Variants in EXOC4 observed in about 807,000 individuals in gnomAD.
EXOC4 encodes the protein exocyst complex component 4.
Under a neutral mutation model 107.2 loss-of-function variants are expected in EXOC4, and 71 were observed. That is an observed-to-expected ratio of 0.66 (90% CI 0.55 to 0.81). The LOEUF (loss-of-function observed/expected upper bound fraction) is 0.81, where lower values mean the gene tolerates loss of function less well. Among genes scored for constraint, EXOC4 ranks in the 30% least tolerant of loss-of-function variants. The pLI, the probability that EXOC4 is intolerant of heterozygous loss-of-function variation, is 0.00. For missense variants in EXOC4, 1,108 were observed against 1,189.6 expected, an observed-to-expected ratio of 0.93 and a Z score of 1.01; for synonymous variants, 456 against 441.2, an observed-to-expected ratio of 1.03 and a Z score of -0.42.
In EXOC4 at chr7:133,441,045, A is replaced by G. The variant is rs570716662; in HGVS notation, c.1183-34283A>G. Among the ~76,000 whole-genome samples the G allele has an allele frequency of 4.6e-5, 7 of 152,238 alleles. No individual in the cohort carries two copies. The South Asian group carries it at 1.2e-3, about 27-fold the overall frequency. ...CTGGTAACAGAAATATTTTAGTACT[A>G]TTGGGAGATTTTGGCTGAGGTCTTC... On this transcript the variant is annotated intron_variant, in intron 7 of 17. Transcript: ENST00000253861.
At chr7:133,416,191 A>G (rs1475450372) in intron 7 of EXOC4, among the ~76,000 whole-genome samples, 1 of 152,190 alleles carries the variant, frequency 6.6e-6, no homozygotes, top group Non-Finnish European at 1.5e-5. Flanking sequence ...AAAACACATT[A>G]AAAAGGTTGT....
At chr7:134,005,613 C>A (rs544089230) in intron 16 of EXOC4, among the ~76,000 whole-genome samples, 3 of 152,184 alleles carry the variant, frequency 2.0e-5, no homozygotes, top group African/African-American at 7.2e-5. Flanking sequence ...ACAGGAAGTG[C>A]CATCTAAAGA....
Position 133,356,352 on chromosome 7 carries a change from C to T in EXOC4, c.786C>T (p.Asp262=). 1 of 1,613,944 alleles carries T rather than the reference C, an allele frequency of 6.2e-7. No homozygotes were observed. The highest frequency in any genetic ancestry group is 8.5e-7 in the Non-Finnish European group (1 of 1,179,888). ...SSSVREINLQ[D]IKEDLELDPE... is the part of the protein sequence containing the mutation. The stretch of plus-strand genomic sequence containing the variant: ...CAGTGAGGGAGATAAATCTGCAGGA[C>T]ATCAAGGAAGATTTAGAATTGGATC... The change falls in exon 6 of 18, where the codon GAC becomes GAT. Residue 262 remains aspartate (D), a synonymous_variant. Coordinates refer to ENST00000253861, the MANE Select transcript of EXOC4 (RefSeq NM_021807.4).
At position 133,917,606 on chromosome 7, in the gene EXOC4, A is replaced by T. The variant is rs1449571671; in HGVS notation, c.1895A>T (p.Lys632Ile). ...AYRGIVQSEEKLVISASWAKD... is the reference protein window; with the variant it reads ...AYRGIVQSEEILVISASWAKD... ...AGGGGTATTGTCCAGTCAGAAGAAA[A>T]ACTTGTCATCAGTGCATCCTGGGCA... Residue 632 changes from lysine (K) to isoleucine (I), a missense_variant, in exon 13 of 18, where the codon AAA (lysine) becomes ATA (isoleucine). Physicochemically the swap from Lys to Ile is moderately radical, Grantham distance 102 (BLOSUM62 -3). Coordinates refer to ENST00000253861, the MANE Select transcript of EXOC4 (RefSeq NM_021807.4). The T allele has an allele frequency of 6.2e-6, 10 of 1,614,040 alleles. No individual in the cohort carries two copies. In the South Asian group the frequency reaches 1.1e-4, roughly 18 times the overall value.
Position 133,864,514 on chromosome 7 carries a change from A to G in EXOC4, c.1735-31085A>G, listed in dbSNP as rs189573899. ...TTTCACTAGCCCTCAAACTTTTCCT[A>G]TATCTGTTAGTATTTAATAACTTAC... On this transcript the variant is annotated intron_variant, in intron 11 of 17. Coordinates refer to ENST00000253861, the MANE Select transcript of EXOC4 (RefSeq NM_021807.4). 1.6e-4 allele frequency among the ~76,000 whole-genome samples: 25 copies of G among 152,134 alleles called. No individual in the cohort carries two copies. In the East Asian group the frequency reaches 2.1e-3, roughly 13 times the overall value.
At chr7:133,671,747 G>A (rs1457450890) in intron 10 of EXOC4, among the ~76,000 whole-genome samples, 1 of 152,090 alleles carries the variant, frequency 6.6e-6, no homozygotes, top group Non-Finnish European at 1.5e-5. Flanking sequence ...TTGCCAGTGG[G>A]TTTAATGTGC....
intron 9 of EXOC4, among the ~76,000 whole-genome samples, chr7:133,539,680 C>CT (rs911864345): frequency 5.9e-5 from 9 of 151,494 alleles, no homozygotes; most frequent in South Asian, 2.1e-4. Context: ...GTTTTTTTTC[C>CT]TTTTTTTGTG....
intron 5 of EXOC4, among the ~76,000 whole-genome samples, chr7:133,319,158 TAAAA>T (rs1345024410): frequency 6.6e-6 from 1 of 152,234 alleles, no homozygotes; most frequent in African/African-American, 2.4e-5. Context: ...CCAAGTGAAA[TAAAA>T]AATTTAATTA....
intron 10 of EXOC4, among the ~76,000 whole-genome samples, chr7:133,649,485 TAACCAG>T (rs1562891250): frequency 7.5e-6 from 1 of 132,874 alleles, no homozygotes. Flanking sequence ...TTTTTTTTTT[TAACCAG>T]TAAAGATTAT....
intron 17 of EXOC4, among the ~76,000 whole-genome samples, chr7:134,049,029 C>G (rs1795722506): frequency 6.6e-6 from 1 of 152,170 alleles, no homozygotes; most frequent in Non-Finnish European, 1.5e-5. Context: ...GTCATTGGTT[C>G]CAGATTCCAG....
chr7:133,673,902 A>C (rs1031390356), intron 10 of EXOC4, among the ~76,000 whole-genome samples: 1 of 152,200 alleles, frequency 6.6e-6, no homozygotes. Context: ...ATGCATCCTC[A>C]TTCCTATTGT....
At chr7:133,871,189 A>G (rs536726161) in intron 11 of EXOC4, among the ~76,000 whole-genome samples, 3 of 151,870 alleles carry the variant, frequency 2.0e-5, no homozygotes, top group Non-Finnish European at 4.4e-5. Flanking sequence ...CAGAGTTATT[A>G]TACCTTATTA....
At chr7:133,685,878 T>G (rs1794287630) in intron 10 of EXOC4, among the ~76,000 whole-genome samples, 1 of 152,138 alleles carries the variant, frequency 6.6e-6, no homozygotes, top group Non-Finnish European at 1.5e-5. Flanking sequence ...CTCACCTGCC[T>G]CTCACCTTTC....
chr7:133,997,589 G>T lies in EXOC4; in HGVS notation c.2304G>T (p.Gln768His). ...QTLSELAKSF[Q>H]DMADRCLLVL... ...TCAGTGAACTTGCCAAATCGTTCCA[G>T]GATATGGCTGACCGCTGCTTGCTTG... The change falls in exon 15 of 18, where the codon CAG (glutamine) becomes CAT (histidine). Residue 768 changes from glutamine to histidine, a missense_variant. Gln to His is a conservative substitution (Grantham distance 24, BLOSUM62 0). Coordinates refer to ENST00000253861, the MANE Select transcript of EXOC4 (RefSeq NM_021807.4). 6.2e-7 allele frequency: 1 copy of T among 1,613,630 alleles called. No individual in the cohort carries two copies. The highest frequency in any genetic ancestry group is 8.5e-7 in the Non-Finnish European group (1 of 1,179,756).
chr7:134,089,667 C>G, the EXOC4 span, among the ~76,000 whole-genome samples: 1 of 152,166 alleles, frequency 6.6e-6, no homozygotes, highest in South Asian at 2.1e-4. Context: ...ATGGGAATTG[C>G]GTGACCTACA....
At chr7:133,956,356 A>G (rs1036893457) in intron 14 of EXOC4, among the ~76,000 whole-genome samples, 5 of 152,220 alleles carry the variant, frequency 3.3e-5, no homozygotes, top group African/African-American at 1.2e-4. Flanking sequence ...CAGACTAACA[A>G]CAGTTCTTCC....
At chr7:134,052,035 G>A (rs1210939159) in intron 17 of EXOC4, among the ~76,000 whole-genome samples, 2 of 152,158 alleles carry the variant, frequency 1.3e-5, no homozygotes, top group African/African-American at 4.8e-5. Context: ...TTGGGTTGAG[G>A]ATGGAAAACT....
At chr7:133,467,953 A>G (rs192736373) in intron 7 of EXOC4, among the ~76,000 whole-genome samples, 11 of 152,230 alleles carry the variant, frequency 7.2e-5, no homozygotes, top group Non-Finnish European at 1.2e-4. Context: ...GTCTCAATTA[A>G]TAGATAAATA....
At chr7:133,785,082 A>G (rs1796541282) in intron 10 of EXOC4, among the ~76,000 whole-genome samples, 1 of 152,174 alleles carries the variant, frequency 6.6e-6, no homozygotes, top group African/African-American at 2.4e-5. Flanking sequence ...CAGTTAATAT[A>G]TCCCCAGCCT....
Sources: gnomAD v4.1 joint callset for allele counts (sites outside exome capture counted in the v4.1 genomes callset) on GRCh38, gnomAD v4.1.1 for gene constraint, MANE v1.5 for transcripts, NCBI Gene and HGNC (gene_info 2026-07-23, HGNC 2026-07-21) for gene names.